Variants in DDI2 observed in about 807,000 individuals in gnomAD.
DDI2 encodes the protein DDI proteasomal shuttling factor 2, also known as protein DDI1 homolog 2.
In DDI2, 5 loss-of-function variants were observed where a neutral mutation model predicts 48.1. The observed-to-expected ratio is 0.10, with a 90% CI of 0.05 to 0.22. DDI2 has a LOEUF of 0.22. DDI2 is among the 10% of genes least tolerant of loss of function. The pLI, the probability that DDI2 is intolerant of heterozygous loss-of-function variation, is 1.00. For missense variants in DDI2, 285 were observed against 506.2 expected (o/e 0.56, Z 4.19); for synonymous variants, 205 against 183.6 (o/e 1.12, Z -0.94).
intron 1 of DDI2, among the ~76,000 whole-genome samples, chr1:15,624,546 C>T (rs6429764): frequency 0.2 from 31,082 of 151,990 alleles, 3,289 homozygotes; most frequent in Middle Eastern, 0.26. Flanking sequence ...CAGCTCACTA[C>T]AGCCTGGACC....
intron 1 of DDI2, among the ~76,000 whole-genome samples, chr1:15,620,497 C>A (rs1307277737): frequency 3.3e-5 from 5 of 152,066 alleles, no homozygotes; most frequent in African/African-American, 1.2e-4. Context: ...CTGTTTAACT[C>A]CTCCTCTTGT....
chr1:15,643,080 A>C (rs1193923063), intron 5 of DDI2, among the ~76,000 whole-genome samples: 9 of 152,126 alleles, frequency 5.9e-5, no homozygotes, highest in Admixed American at 5.2e-4. Flanking sequence ...CAAAAAAAAA[A>C]ACATTAGCTG....
At position 15,660,190 on chromosome 1, in the gene DDI2, G is replaced by C; in HGVS notation, c.*400G>C. On this transcript the variant is annotated 3_prime_UTR_variant, in exon 10 of 10. Coordinates refer to ENST00000480945, the MANE Select transcript of DDI2 (RefSeq NM_032341.5). ...TTCATCCGAAGAAATAACTGTTGCA[G>C]GTAATCTGGAGAAATCTGCTGAAAG... is the stretch of plus-strand genomic sequence containing the variant. The C allele has an allele frequency of 1.2e-6, 2 of 1,614,180 alleles. No individual in the cohort carries two copies. The highest frequency in any genetic ancestry group is 1.7e-6 in the Non-Finnish European group (2 of 1,180,030).
intron 2 of DDI2, among the ~76,000 whole-genome samples, chr1:15,629,424 C>T (rs1483221771): frequency 6.6e-6 from 1 of 151,820 alleles, no homozygotes; most frequent in Non-Finnish European, 1.5e-5. Context: ...GGTGAAATCC[C>T]ATCTCTACTA....
At position 15,642,356 on chromosome 1, in the gene DDI2, A is replaced by G. The variant is rs564906496; in HGVS notation, c.761-1166A>G. On this transcript the variant is annotated intron_variant, in intron 5 of 9. Transcript: ENST00000480945. ...GAAGAGAGTCTGATTGTTGGAGCAG[A>G]GTATGGGAGTCCACTTCTAAATTTT... Among the ~76,000 whole-genome samples, 441 of 152,346 alleles carry G rather than the reference A, an allele frequency of 2.9e-3. 3 individuals are homozygous for G. The highest frequency in any genetic ancestry group is 4.8e-3 in the Non-Finnish European group (327 of 68,032).
intron 1 of DDI2, among the ~76,000 whole-genome samples, chr1:15,624,020 AC>A (rs1360015400): frequency 1.3e-5 from 2 of 152,194 alleles, no homozygotes; most frequent in Non-Finnish European, 2.9e-5. Flanking sequence ...CCGCCACTGC[AC>A]CCCAGCCTGG....
Position 15,629,882 on chromosome 1 carries a change from C to T in DDI2, c.269-443C>T, listed in dbSNP as rs1027396938. Among the ~76,000 whole-genome samples the T allele has an allele frequency of 3.3e-5, 5 of 151,974 alleles. 1 individual carries two copies. In the South Asian group the frequency reaches 8.3e-4, roughly 25 times the overall value. On this transcript the variant is annotated intron_variant, in intron 2 of 9. Coordinates refer to ENST00000480945, the MANE Select transcript of DDI2 (RefSeq NM_032341.5). ...GCGTAGCTGGGATTACAGGTGACTG[C>T]GACCACGCCCAGCTAATTTTTGTAT...
chr1:15,652,006 C>A, intron 8 of DDI2, 111 bp downstream of exon 8: 1 of 1,045,540 alleles, frequency 9.6e-7, no homozygotes, highest in East Asian at 2.9e-5. Flanking sequence ...TCTCATGGTC[C>A]AGTAGTAGAT....
chr1:15,625,661 C>T (rs944120587), intron 1 of DDI2, among the ~76,000 whole-genome samples: 5 of 152,254 alleles, frequency 3.3e-5, no homozygotes, highest in African/African-American at 9.6e-5. Context: ...ATCTTGCTTG[C>T]CCAGGCTAGG....
rs1363316475 is a variant in DDI2 at position 15,661,512 on chromosome 1, G to T, written c.*1722G>T. ...AAAATGTCTGTCCTGATGCTTCGAG[G>T]CCATTACTTGAATATGAACCACCTA... On this transcript the variant is annotated 3_prime_UTR_variant, in exon 10 of 10. Coordinates refer to ENST00000480945, the MANE Select transcript of DDI2 (RefSeq NM_032341.5). The T allele has an allele frequency of 6.2e-7, 1 of 1,613,924 alleles. No homozygotes were observed. Among genetic ancestry groups the T allele is most frequent in the African/African-American group, 1.3e-5 (1 of 74,898 alleles).
rs1640015474 is a variant in DDI2, at chr1:15,641,920, A to G, written c.761-1602A>G. 2.1e-5 allele frequency among the ~76,000 whole-genome samples: 3 copies of G among 143,952 alleles called. No homozygotes were observed. In the Admixed American group the frequency reaches 2.3e-4, roughly 11 times the overall value. 94.4% of individuals were successfully genotyped at this position (143,952 alleles called of 152,430 possible). A position where few individuals can be genotyped will look rare whatever the true frequency, so the allele number is the denominator to read the frequency against. On this transcript the variant is annotated intron_variant, in intron 5 of 9. Transcript: ENST00000480945. ...CAGTGAGCCGAGATTGCACCATTACACTCCAGCCTGGGCAACAAGAGTGAA... is the reference window on the plus strand; with the variant it reads ...CAGTGAGCCGAGATTGCACCATTACGCTCCAGCCTGGGCAACAAGAGTGAA...
chr1:15,640,482 C>T lies in DDI2; in HGVS notation c.760+2048C>T, dbSNP rs72876736. ...GGGCTTTGGATTCAGCCCCAGGTCC[C>T]CTTGATGCCAGAAATCTCAACCACT... On this transcript the variant is annotated intron_variant, in intron 5 of 9. Coordinates refer to ENST00000480945, the MANE Select transcript of DDI2 (RefSeq NM_032341.5). Among the ~76,000 whole-genome samples the T allele has an allele frequency of 5.9e-3, 900 of 152,250 alleles. 10 individuals carry two copies. The highest frequency in any genetic ancestry group is 0.02 in the African/African-American group (846 of 41,540).
rs764374344 is a variant in DDI2, at chr1:15,660,353, T to C, written c.*563T>C. 6.2e-7 allele frequency: 1 copy of C among 1,614,018 alleles called. No individual in the cohort carries two copies. The highest frequency in any genetic ancestry group is 2.2e-5 in the East Asian group (1 of 44,900). ...CCAGAAAATCAGAACCTGAGTCAAG[T>C]GAGTGACCCTCAGCAGCACGAAGAA... is the stretch of plus-strand genomic sequence containing the variant. On this transcript the variant is annotated 3_prime_UTR_variant, in exon 10 of 10. Transcript: ENST00000480945.
intron 1 of DDI2, among the ~76,000 whole-genome samples, chr1:15,618,055 C>T (rs1017402041): frequency 3.9e-5 from 6 of 152,204 alleles, no homozygotes; most frequent in African/African-American, 1.4e-4. Flanking sequence ...GCACCCACTG[C>T]AGCGTGAGGG....
chr1:15,633,774 T>G (rs1287426783), intron 4 of DDI2: 1 of 661,164 alleles, frequency 1.5e-6, no homozygotes, highest in Non-Finnish European at 2.6e-6. Context: ...CTTAGTTTAA[T>G]GACTTTCTTT....
chr1:15,623,879 T>C lies in DDI2; in HGVS notation c.139-2790T>C, dbSNP rs561362023. Among the ~76,000 whole-genome samples the C allele has an allele frequency of 1.1e-3, 171 of 151,902 alleles. 1 individual carries two copies. The highest frequency in any genetic ancestry group is 3.8e-3 in the African/African-American group (159 of 41,426). On this transcript the variant is annotated intron_variant, in intron 1 of 9. Transcript: ENST00000480945. ...ATCGAGACCATCCTGGCTAACATGG[T>C]GAAACCCCGTCTCTACAAAAAATAC...
At chr1:15,638,160 C>A (rs1570976787) in intron 4 of DDI2, 147 bp from the exon 5 acceptor site, 1 of 1,019,730 alleles carries the variant, frequency 9.8e-7, no homozygotes, top group East Asian at 2.8e-5. Context: ...ATCTCTTGCC[C>A]CATATAGCAC....
At chr1:15,648,834 C>CAAAAAA (rs36082177) in intron 6 of DDI2, among the ~76,000 whole-genome samples, 2 of 95,952 alleles carry the variant, frequency 2.1e-5, no homozygotes, top group Admixed American at 1.1e-4. Context: ...GACCCTGTCT[C>CAAAAAA]AAAAAAAAAA....
intron 4 of DDI2, among the ~76,000 whole-genome samples, chr1:15,636,986 C>T (rs1198515052): frequency 6.6e-6 from 1 of 152,212 alleles, no homozygotes; most frequent in Non-Finnish European, 1.5e-5. Flanking sequence ...TATCCCAAAT[C>T]TTAGAAGCTG....
Sources: allele counts gnomAD v4.1 joint callset (sites outside exome capture counted in the v4.1 genomes callset), GRCh38; gene constraint gnomAD v4.1.1; transcripts MANE v1.5; gene names NCBI Gene and HGNC (gene_info 2026-07-23, HGNC 2026-07-21).